Variants in TCEA1 observed in about 807,000 individuals in gnomAD.
TCEA1 encodes the protein transcription elongation factor A1.
In TCEA1, 21 loss-of-function variants were observed where a neutral mutation model predicts 43.8. The observed-to-expected ratio is 0.48, with a 90% CI of 0.34 to 0.69. The LOEUF (loss-of-function observed/expected upper bound fraction) is 0.69. Among genes scored for constraint, TCEA1 ranks in the 30% least tolerant of loss-of-function variants. The pLI, the probability that TCEA1 is intolerant of heterozygous loss-of-function variation, is 0.01. For synonymous variants in TCEA1, 104 were observed against 117.5 expected (o/e 0.88, Z 0.75); for missense variants, 250 against 365.1 (o/e 0.68, Z 2.57).
At chr8:53,972,205 A>C in intron 8 of TCEA1, 2 of 327,238 alleles carry the variant, frequency 6.1e-6, no homozygotes, top group South Asian at 2.7e-5. Context: ...GAAGATTTAG[A>C]AAGTGTTAGT....
chr8:53,993,567 C>G lies in TCEA1; in HGVS notation c.320+101G>C. ...TTACTACTTCCATTTGATTAGAAAA[C>G]AAAAAAAGGAGTGTAAATAGGGGAA... On this transcript the variant is annotated intron_variant, in intron 4 of 9. Transcript: ENST00000521604. 4 of 892,016 alleles carry G rather than the reference C, an allele frequency of 4.5e-6. No homozygotes were observed. In the South Asian group the frequency reaches 7.4e-5, roughly 16 times the overall value. 55.3% of individuals were successfully genotyped at this position (892,016 alleles called of 1,614,324 possible).
intron 1 of TCEA1, among the ~76,000 whole-genome samples, chr8:54,012,255 T>G (rs376011050): frequency 2.0e-5 from 3 of 152,178 alleles, no homozygotes; most frequent in Admixed American, 6.5e-5. Flanking sequence ...AATGTGACTA[T>G]TACAACTGAC....
chr8:53,986,861 A>G, intron 6 of TCEA1, 108 bp downstream of exon 6: 1 of 767,314 alleles, frequency 1.3e-6, no homozygotes, highest in Non-Finnish European at 2.1e-6. Context: ...GAGAGCACCT[A>G]ATTCATTGGA....
At chr8:53,969,714 A>G (rs1275695874) in intron 9 of TCEA1, among the ~76,000 whole-genome samples, 1 of 152,172 alleles carries the variant, frequency 6.6e-6, no homozygotes, top group African/African-American at 2.4e-5. Flanking sequence ...GATTCCAAAG[A>G]CTAAACTCCT....
intron 2 of TCEA1, among the ~76,000 whole-genome samples, chr8:54,008,849 A>ATTT (rs1475756551): frequency 2.0e-5 from 3 of 147,768 alleles, no homozygotes; most frequent in East Asian, 4.0e-4. Flanking sequence ...TTATTTATTT[A>ATTT]TTTATTTTTT....
rs753728082 is a variant in TCEA1, at chr8:53,993,666, A to G, written c.320+2T>C. On this transcript the variant is annotated splice_donor_variant, in intron 4 of 9. Coordinates refer to ENST00000521604, the MANE Select transcript of TCEA1 (RefSeq NM_006756.4). LOFTEE classifies it high-confidence loss of function. ...TAAATATATGTCTATACTGTGAAGT[A>G]CCTTTCTTCTCTTGCCTCAGGGCTG... 2 of 1,609,610 alleles carry G rather than the reference A, an allele frequency of 1.2e-6. No homozygotes were observed. The highest frequency in any genetic ancestry group is 1.1e-5 in the South Asian group (1 of 90,276).
chr8:54,015,955 A>T (rs1804809669), intron 1 of TCEA1, among the ~76,000 whole-genome samples: 2 of 152,344 alleles, frequency 1.3e-5, no homozygotes, highest in Admixed American at 1.3e-4. Flanking sequence ...CACAAGGGAC[A>T]TGCAAATCAA....
intron 1 of TCEA1, among the ~76,000 whole-genome samples, chr8:54,012,145 T>C (rs915967284): frequency 6.6e-6 from 1 of 152,184 alleles, no homozygotes; most frequent in Non-Finnish European, 1.5e-5. Flanking sequence ...ACCAAAAACC[T>C]TTGAAAAGCA....
chr8:54,016,492 C>T (rs1313933262), intron 1 of TCEA1, among the ~76,000 whole-genome samples: 1 of 151,950 alleles, frequency 6.6e-6, no homozygotes, highest in African/African-American at 2.4e-5. Context: ...CAGTATTATT[C>T]ACAACAGCCA....
At chr8:54,018,544 A>G (rs1485896474) in intron 1 of TCEA1, among the ~76,000 whole-genome samples, 1 of 150,992 alleles carries the variant, frequency 6.6e-6, no homozygotes, top group Non-Finnish European at 1.5e-5. Context: ...CACACAGCTA[A>G]AGTTCAGAAA....
At chr8:53,988,323 C>A in intron 4 of TCEA1, 64 bp from the exon 5 acceptor site, 2 of 1,545,838 alleles carry the variant, frequency 1.3e-6, no homozygotes, top group Non-Finnish European at 8.7e-7. Context: ...AACAATACTA[C>A]TATCATGCTG....
At chr8:54,010,244 C>A in intron 2 of TCEA1, 186 bp downstream of exon 2, 2 of 516,216 alleles carry the variant, frequency 3.9e-6, no homozygotes, top group South Asian at 2.4e-5. Context: ...TTAAGAAAGG[C>A]GACATTGCTC....
At chr8:54,006,279 T>A (rs1804455271) in intron 2 of TCEA1, among the ~76,000 whole-genome samples, 1 of 152,190 alleles carries the variant, frequency 6.6e-6, no homozygotes, top group African/African-American at 2.4e-5. Context: ...AAAGGCCTTA[T>A]CTTATTCATC....
chr8:54,016,486 A>G (rs188892818), intron 1 of TCEA1, among the ~76,000 whole-genome samples: 4 of 152,172 alleles, frequency 2.6e-5, no homozygotes, highest in Admixed American at 1.3e-4. Flanking sequence ...TTTTAACAGT[A>G]TTATTCACAA....
chr8:54,009,291 G>A (rs535464676), intron 2 of TCEA1, among the ~76,000 whole-genome samples: 2 of 152,152 alleles, frequency 1.3e-5, no homozygotes, highest in East Asian at 3.9e-4. Flanking sequence ...ACTAAAAATT[G>A]AAGTACCATA....
intron 4 of TCEA1, among the ~76,000 whole-genome samples, chr8:53,990,092 G>C (rs1474829152): frequency 6.6e-6 from 1 of 152,014 alleles, no homozygotes; most frequent in Non-Finnish European, 1.5e-5. Flanking sequence ...CTAGCTACTT[G>C]GGGGCTGAAG....
chr8:53,972,823 G>A (rs1053893370), intron 8 of TCEA1: 2 of 722,938 alleles, frequency 2.8e-6, no homozygotes, highest in African/African-American at 3.5e-5. Context: ...GATTGTGGTG[G>A]CCTGGAATTT....
At chr8:54,011,179 A>G (rs1333747308) in intron 1 of TCEA1, among the ~76,000 whole-genome samples, 1 of 152,204 alleles carries the variant, frequency 6.6e-6, no homozygotes, top group African/African-American at 2.4e-5. Flanking sequence ...CCTTTTACAT[A>G]TGTAAAAACA....
Position 53,970,553 on chromosome 8 carries a change from AAATAT to A in TCEA1, c.826-95_826-91del, listed in dbSNP as rs770762233. Reference sequence around the variant, plus strand: ...TTATACATAAAGATATATATTTAATAAATATAATGGTACCACAATAAAATGAATAG... The same window carrying A: ...TTATACATAAAGATATATATTTAATAAATGGTACCACAATAAAATGAATAG... On this transcript the variant is annotated intron_variant, in intron 8 of 9. Transcript: ENST00000521604. 198 of 647,802 alleles carry A rather than the reference AAATAT, an allele frequency of 3.1e-4. 1 individual carries two copies. Among genetic ancestry groups the A allele is most frequent in the Middle Eastern group, 1.3e-3 (3 of 2,352 alleles). The allele number at this position is 647,802 out of a possible 1,614,324, so 40.1% of individuals were successfully genotyped here.
Sources: allele counts gnomAD v4.1 joint callset (sites outside exome capture counted in the v4.1 genomes callset), GRCh38; gene constraint gnomAD v4.1.1; transcripts MANE v1.5; gene names NCBI Gene and HGNC (gene_info 2026-07-23, HGNC 2026-07-21).